GRM7: variants seen among roughly 807,000 people sequenced by gnomAD.
The protein encoded by GRM7 is glutamate metabotropic receptor 7.
Under a neutral mutation model 84.5 loss-of-function variants are expected in GRM7, and 35 were observed. That is an observed-to-expected ratio of 0.41 (90% CI 0.32 to 0.55). The LOEUF is 0.55. GRM7 is among the 20% of genes least tolerant of loss of function. The pLI, the probability that GRM7 is intolerant of heterozygous loss-of-function variation, is 0.19. For missense variants in GRM7, 1,003 were observed against 1,194.6 expected, an observed-to-expected ratio of 0.84 and a Z score of 2.36; for synonymous variants, 487 against 455.1, an observed-to-expected ratio of 1.07 and a Z score of -0.89.
intron 2 of GRM7, among the ~76,000 whole-genome samples, chr3:7,229,670 GAC>G (rs1157644414): frequency 7.2e-6 from 1 of 138,858 alleles, no homozygotes; most frequent in African/African-American, 2.6e-5. Context: ...TGGTAGGAGA[GAC>G]AGAAAACAAA....
intron 1 of GRM7, among the ~76,000 whole-genome samples, chr3:7,135,116 C>G (rs1159736846): frequency 6.6e-6 from 1 of 152,092 alleles, no homozygotes; most frequent in African/African-American, 2.4e-5. Context: ...AGATTTTAAG[C>G]TAATTCAAGA....
At chr3:7,692,157 T>A (rs1165794956) in intron 9 of GRM7, among the ~76,000 whole-genome samples, 1 of 152,202 alleles carries the variant, frequency 6.6e-6, no homozygotes, top group Admixed American at 6.5e-5. Context: ...GTCTTTTGGC[T>A]TGGTGAAATT....
chr3:7,159,517 A>G (rs1266044255), intron 2 of GRM7, among the ~76,000 whole-genome samples: 4 of 152,256 alleles, frequency 2.6e-5, no homozygotes, highest in South Asian at 2.1e-4. Context: ...AGGTGGATAG[A>G]TGTTCAATAC....
chr3:7,694,082 C>A (rs536066748), intron 9 of GRM7, among the ~76,000 whole-genome samples: 16 of 151,984 alleles, frequency 1.1e-4, no homozygotes, highest in Non-Finnish European at 1.9e-4. Context: ...GGGTTCTGAC[C>A]CATTCCCATT....
intron 1 of GRM7, among the ~76,000 whole-genome samples, chr3:6,940,998 C>T (rs941257391): frequency 2.6e-5 from 4 of 152,172 alleles, no homozygotes; most frequent in African/African-American, 9.7e-5. Context: ...GGAGATGTTG[C>T]TCATTGTGTT....
intron 5 of GRM7, among the ~76,000 whole-genome samples, chr3:7,440,389 C>T (rs1416027365): frequency 2.0e-5 from 3 of 152,258 alleles, no homozygotes; most frequent in African/African-American, 7.2e-5. Context: ...AATAATGTTT[C>T]TCTTTGGGGA....
intron 7 of GRM7, among the ~76,000 whole-genome samples, chr3:7,518,293 A>C (rs1700467372): frequency 6.6e-6 from 1 of 152,200 alleles, no homozygotes; most frequent in Non-Finnish European, 1.5e-5. Flanking sequence ...AGTTCTGCAA[A>C]ATTAAGCCCA....
chr3:7,390,816 C>T (rs1375226436), intron 4 of GRM7, among the ~76,000 whole-genome samples: 1 of 151,590 alleles, frequency 6.6e-6, no homozygotes, highest in Non-Finnish European at 1.5e-5. Context: ...TTTTTTTTGC[C>T]TTCCAAATTC....
At chr3:6,887,319 T>C (rs933321021) in intron 1 of GRM7, among the ~76,000 whole-genome samples, 1 of 152,086 alleles carries the variant, frequency 6.6e-6, no homozygotes, top group Non-Finnish European at 1.5e-5. Context: ...CATGCTGGTG[T>C]GCTGCACCCA....
At chr3:6,955,500 G>C (rs542408518) in intron 1 of GRM7, among the ~76,000 whole-genome samples, 10 of 151,754 alleles carry the variant, frequency 6.6e-5, no homozygotes, top group African/African-American at 1.9e-4. Flanking sequence ...TCACACCACT[G>C]CACTCCAGCC....
chr3:7,403,831 G>GGATA (rs537042589), intron 4 of GRM7, among the ~76,000 whole-genome samples: 3,493 of 150,872 alleles, frequency 0.023, 48 homozygotes, highest in Middle Eastern at 0.049. Context: ...GTGGATGGAT[G>GGATA]GATAGATAGA....
chr3:6,921,408 C>T (rs977169113), intron 1 of GRM7, among the ~76,000 whole-genome samples: 1 of 152,166 alleles, frequency 6.6e-6, no homozygotes, highest in Admixed American at 6.5e-5. Flanking sequence ...CTTTTTCTGT[C>T]AGTACCTGTG....
chr3:7,389,520 T>C (rs989048166), intron 4 of GRM7, among the ~76,000 whole-genome samples: 3 of 152,238 alleles, frequency 2.0e-5, no homozygotes, highest in African/African-American at 7.2e-5. Context: ...ATAAACATAA[T>C]TGTTTTATAA....
intron 9 of GRM7, among the ~76,000 whole-genome samples, chr3:7,708,841 A>C (rs1379568783): frequency 6.6e-6 from 1 of 151,980 alleles, no homozygotes; most frequent in Non-Finnish European, 1.5e-5. Context: ...TATCAGAAAA[A>C]ATAAATGTAA....
chr3:7,526,824 T>C (rs1202760261), intron 7 of GRM7, among the ~76,000 whole-genome samples: 1 of 152,038 alleles, frequency 6.6e-6, no homozygotes, highest in African/African-American at 2.4e-5. Context: ...TTGTCAAAGA[T>C]TAGTTGATTG....
intron 2 of GRM7, among the ~76,000 whole-genome samples, chr3:7,214,894 T>C (rs1251019061): frequency 1.3e-5 from 2 of 152,224 alleles, no homozygotes; most frequent in Non-Finnish European, 2.9e-5. Flanking sequence ...TTGGATTCTT[T>C]ATATATTCCA....
At chr3:7,268,738 C>T (rs2124973332) in intron 2 of GRM7, among the ~76,000 whole-genome samples, 1 of 152,266 alleles carries the variant, frequency 6.6e-6, no homozygotes, top group East Asian at 1.9e-4. Context: ...AGGGACTTAC[C>T]ATGCTGGCTA....
chr3:7,306,667 A>G lies in GRM7; in HGVS notation c.1033+15A>G. The G allele has an allele frequency of 6.4e-7, 1 of 1,572,824 alleles. No individual in the cohort carries two copies. The highest frequency in any genetic ancestry group is 8.6e-7 in the Non-Finnish European group (1 of 1,158,890). ...CACGGTGGAAGGTATGGGTTTCATC[A>G]GCAGTAGGTTTGCTGAGAGAAGTTC... On this transcript the variant is annotated intron_variant, in intron 4 of 9. Transcript: ENST00000357716.
chr3:7,147,555 G>A (rs999057507), intron 2 of GRM7, among the ~76,000 whole-genome samples: 1 of 152,128 alleles, frequency 6.6e-6, no homozygotes, highest in Non-Finnish European at 1.5e-5. Context: ...TAGAAAGAGA[G>A]CTCCATGTTA....
Sources: gnomAD v4.1 joint callset for allele counts (sites outside exome capture counted in the v4.1 genomes callset) on GRCh38, gnomAD v4.1.1 for gene constraint, MANE v1.5 for transcripts, NCBI Gene and HGNC (gene_info 2026-07-23, HGNC 2026-07-21) for gene names.